Variants in HS6ST3 observed in about 807,000 individuals in gnomAD.
HS6ST3 encodes the protein heparan-sulfate 6-O-sulfotransferase 3.
HS6ST3 carries 12 observed loss-of-function variants against 36.7 expected under a neutral mutation model. The ratio of observed to expected loss-of-function variants is 0.33; its 90% CI spans 0.21 to 0.53. The LOEUF is 0.53. Ranked by LOEUF, HS6ST3 falls within the 20% of genes least tolerant of loss-of-function variation. The pLI is 0.95. For missense variants in HS6ST3, 584 were observed against 640.9 expected (o/e 0.91, Z 0.96); for synonymous variants, 240 against 257.5 (o/e 0.93, Z 0.65).
At chr13:96,317,357 TATATATATATAAAATTATA>T (rs1566322119) in intron 1 of HS6ST3, among the ~76,000 whole-genome samples, 3,287 of 18,144 alleles carry the variant, frequency 0.18, 109 homozygotes, top group South Asian at 0.23. Context: ...TATATATATA[TATATATATATAAAATTATA>T]TATATATATA....
intron 1 of HS6ST3, among the ~76,000 whole-genome samples, chr13:96,166,880 T>C (rs1489625370): frequency 6.6e-6 from 1 of 152,176 alleles, no homozygotes. Context: ...GTTCTCATGA[T>C]AGTGAGTGAG....
chr13:96,796,993 A>G (rs1212959720), intron 1 of HS6ST3, among the ~76,000 whole-genome samples: 2 of 152,072 alleles, frequency 1.3e-5, no homozygotes, highest in Non-Finnish European at 2.9e-5. Context: ...ACACAAATCA[A>G]TAGGCTGAGG....
At chr13:96,605,771 A>C (rs1566409452) in intron 1 of HS6ST3, among the ~76,000 whole-genome samples, 1 of 152,158 alleles carries the variant, frequency 6.6e-6, no homozygotes, top group Non-Finnish European at 1.5e-5. Context: ...TGTTTACAGC[A>C]AAGGAAACTA....
rs77790733 is a variant in HS6ST3, at chr13:96,485,894, A to G, written c.708-346596A>G. On this transcript the variant is annotated intron_variant, in intron 1 of 1. Transcript: ENST00000376705. ...TTTTTTTTATTATACTTTAAGTTTT[A>G]GGGTACATGTGCACAACGTGCAGGT... Among the ~76,000 whole-genome samples, 899 of 152,210 alleles carry G rather than the reference A, an allele frequency of 5.9e-3. 62 individuals carry two copies. In the East Asian group the frequency reaches 0.15, roughly 25 times the overall value.
chr13:96,350,236 C>T (rs2055175095), intron 1 of HS6ST3, among the ~76,000 whole-genome samples: 1 of 152,208 alleles, frequency 6.6e-6, no homozygotes, highest in African/African-American at 2.4e-5. Flanking sequence ...TTTCATCATG[C>T]TCACAACAGA....
At chr13:96,504,037 T>C (rs1004890002) in intron 1 of HS6ST3, among the ~76,000 whole-genome samples, 1 of 152,158 alleles carries the variant, frequency 6.6e-6, no homozygotes, top group African/African-American at 2.4e-5. Context: ...CTATGAGGGC[T>C]CCACCCTCAT....
At chr13:96,723,717 G>T (rs1046597300) in intron 1 of HS6ST3, among the ~76,000 whole-genome samples, 2 of 152,166 alleles carry the variant, frequency 1.3e-5, no homozygotes, top group African/African-American at 4.8e-5. Flanking sequence ...CCTGGCAAGT[G>T]CCTTCTCTTT....
At chr13:96,564,328 A>G (rs1209256509) in intron 1 of HS6ST3, among the ~76,000 whole-genome samples, 1 of 152,170 alleles carries the variant, frequency 6.6e-6, no homozygotes, top group Non-Finnish European at 1.5e-5. Flanking sequence ...AAATTACTTG[A>G]CACTATTTTT....
At chr13:96,273,162 G>A (rs1217587997) in intron 1 of HS6ST3, among the ~76,000 whole-genome samples, 3 of 151,952 alleles carry the variant, frequency 2.0e-5, no homozygotes, top group Admixed American at 6.6e-5. Context: ...AGTGCTGCTC[G>A]CCAAATAATG....
intron 1 of HS6ST3, among the ~76,000 whole-genome samples, chr13:96,193,254 T>A (rs1250002572): frequency 6.6e-6 from 1 of 152,214 alleles, no homozygotes; most frequent in African/African-American, 2.4e-5. Flanking sequence ...ATGTTTTTAT[T>A]GCTGGAGTAG....
At chr13:96,375,351 G>T (rs375893951) in intron 1 of HS6ST3, among the ~76,000 whole-genome samples, 2 of 151,994 alleles carry the variant, frequency 1.3e-5, no homozygotes, top group Non-Finnish European at 2.9e-5. Flanking sequence ...TGTTTTTACT[G>T]TCTACCTTCA....
intron 1 of HS6ST3, among the ~76,000 whole-genome samples, chr13:96,111,375 T>G (rs2053867721): frequency 6.6e-6 from 1 of 152,170 alleles, no homozygotes; most frequent in African/African-American, 2.4e-5. Context: ...CAATTAAAAA[T>G]ATGAGTAAAA....
intron 1 of HS6ST3, among the ~76,000 whole-genome samples, chr13:96,705,693 G>A (rs1191952664): frequency 6.6e-6 from 1 of 152,114 alleles, no homozygotes; most frequent in Non-Finnish European, 1.5e-5. Flanking sequence ...CCTTCCCAAA[G>A]CAAGTCCTTG....
intron 1 of HS6ST3, among the ~76,000 whole-genome samples, chr13:96,121,322 A>G (rs183348374): frequency 2.0e-5 from 3 of 152,316 alleles, no homozygotes; most frequent in African/African-American, 7.2e-5. Flanking sequence ...AGTTTATTAG[A>G]GGCTCATTAA....
intron 1 of HS6ST3, among the ~76,000 whole-genome samples, chr13:96,214,170 A>G (rs939156162): frequency 5.9e-5 from 9 of 152,162 alleles, no homozygotes; most frequent in African/African-American, 2.2e-4. Context: ...GAAACTATAT[A>G]TAAAAGGTGT....
At chr13:96,830,140 T>C (rs898530465) in intron 1 of HS6ST3, among the ~76,000 whole-genome samples, 9 of 152,134 alleles carry the variant, frequency 5.9e-5, no homozygotes, top group African/African-American at 2.2e-4. Context: ...GTTAGATAAA[T>C]ATGCCCAATT....
At chr13:96,366,850 C>T (rs943193519) in intron 1 of HS6ST3, among the ~76,000 whole-genome samples, 5 of 152,148 alleles carry the variant, frequency 3.3e-5, no homozygotes, top group African/African-American at 1.2e-4. Context: ...CAGTTTTCCC[C>T]ATACTGTTCT....
chr13:96,756,176 C>G (rs1449018047), intron 1 of HS6ST3, among the ~76,000 whole-genome samples: 1 of 152,018 alleles, frequency 6.6e-6, no homozygotes, highest in Non-Finnish European at 1.5e-5. Context: ...CAAATCTTTC[C>G]CCCATTATTA....
intron 1 of HS6ST3, among the ~76,000 whole-genome samples, chr13:96,409,973 A>G (rs2055498992): frequency 6.6e-6 from 1 of 152,236 alleles, no homozygotes; most frequent in African/African-American, 2.4e-5. Context: ...GCAGTATGCC[A>G]GTATAAATGC....
Sources: allele counts gnomAD v4.1 joint callset (sites outside exome capture counted in the v4.1 genomes callset), GRCh38; gene constraint gnomAD v4.1.1; transcripts MANE v1.5; gene names NCBI Gene and HGNC (gene_info 2026-07-23, HGNC 2026-07-21).